DLGAP2: variants seen among roughly 807,000 people sequenced by gnomAD.
The protein encoded by DLGAP2 is disks large-associated protein 2.
Under a neutral mutation model 100.3 loss-of-function variants are expected in DLGAP2, and 26 were observed. The observed-to-expected ratio is 0.26, with a 90% CI of 0.19 to 0.36. The LOEUF (loss-of-function observed/expected upper bound fraction) is 0.36. Among genes scored for constraint, DLGAP2 ranks in the 10% least tolerant of loss-of-function variants. DLGAP2 has a pLI of 1.00. For missense variants in DLGAP2, 1,858 were observed against 1,453.2 expected (o/e 1.28, Z -4.53); for synonymous variants, 886 against 630.1 (o/e 1.41, Z -6.08).
intron 2 of DLGAP2, among the ~76,000 whole-genome samples, chr8:1,223,345 C>G (rs957933329): frequency 9.2e-5 from 14 of 152,298 alleles, no homozygotes; most frequent in African/African-American, 3.4e-4. Flanking sequence ...AGAAGCGCTT[C>G]CCGTGTGCAT....
chr8:1,225,561 G>C (rs1293948279), intron 2 of DLGAP2, among the ~76,000 whole-genome samples: 2 of 152,046 alleles, frequency 1.3e-5, no homozygotes, highest in African/African-American at 2.4e-5. Context: ...CCGTCAAAAT[G>C]GTTAATTTTA....
In DLGAP2 at chr8:1,573,740, G is replaced by A. The variant is rs547648502; in HGVS notation, c.1442+7846G>A. On this transcript the variant is annotated intron_variant, in intron 6 of 14. Transcript: ENST00000637795. ...CCTTTTTTGTGAATAAAGTTTTATT[G>A]GAATGTGGCCCGCTCACTGGTCATC... Among the ~76,000 whole-genome samples, 96 of 152,220 alleles carry A rather than the reference G, an allele frequency of 6.3e-4. 1 individual carries two copies. The highest frequency in any genetic ancestry group is 3.1e-3 in the Admixed American group (48 of 15,290).
intron 3 of DLGAP2, among the ~76,000 whole-genome samples, chr8:1,345,997 C>A (rs1324979760): frequency 6.6e-6 from 1 of 152,222 alleles, no homozygotes; most frequent in East Asian, 1.9e-4. Flanking sequence ...GACTCTGGCA[C>A]CAGCTCCTGT....
chr8:1,538,608 C>G (rs537163738), intron 4 of DLGAP2, among the ~76,000 whole-genome samples: 6 of 152,262 alleles, frequency 3.9e-5, no homozygotes, highest in African/African-American at 1.2e-4. Flanking sequence ...GTCTCCGTCC[C>G]TCCTCCCCCG....
intron 3 of DLGAP2, among the ~76,000 whole-genome samples, chr8:1,314,458 C>A (rs1317541283): frequency 1.3e-5 from 2 of 152,226 alleles, no homozygotes; most frequent in Non-Finnish European, 2.9e-5. Flanking sequence ...CTAGAGCTGT[C>A]TGTGCTGTAA....
chr8:1,439,139 A>G (rs1395277959), intron 3 of DLGAP2, among the ~76,000 whole-genome samples: 1 of 152,176 alleles, frequency 6.6e-6, no homozygotes, highest in African/African-American at 2.4e-5. Flanking sequence ...TTATGGAGCC[A>G]CGTGGAGCGT....
chr8:873,353 C>T (rs115437368), intron 1 of DLGAP2, among the ~76,000 whole-genome samples: 4 of 152,258 alleles, frequency 2.6e-5, no homozygotes, highest in African/African-American at 7.2e-5. Context: ...GCTAGGACCA[C>T]CAGCACAATT....
rs1016789260 is a variant in DLGAP2, at chr8:954,386, T to G, written c.73+46420T>G. Among the ~76,000 whole-genome samples, 5 of 152,200 alleles carry G rather than the reference T, an allele frequency of 3.3e-5. No homozygotes were observed. The South Asian group carries it at 1.0e-3, about 32-fold the overall frequency. ...TCCCTTCAGCCCCTAGGAGAAACTC[T>G]TATACAAGTGACCAAGAAATGTGTT... On this transcript the variant is annotated intron_variant, in intron 2 of 14. Coordinates refer to ENST00000637795, the MANE Select transcript of DLGAP2 (RefSeq NM_001346810.2).
At chr8:947,362 C>G (rs900515735) in intron 2 of DLGAP2, among the ~76,000 whole-genome samples, 3 of 152,222 alleles carry the variant, frequency 2.0e-5, no homozygotes, top group Admixed American at 2.0e-4. Flanking sequence ...CAGGGGCTCC[C>G]TCACACAGGA....
chr8:1,215,857 G>C (rs1382321783), intron 2 of DLGAP2, among the ~76,000 whole-genome samples: 1 of 142,950 alleles, frequency 7.0e-6, no homozygotes, highest in Non-Finnish European at 1.5e-5. Context: ...GGTTCATTTG[G>C]GTGCATCACC....
intron 2 of DLGAP2, among the ~76,000 whole-genome samples, chr8:1,196,479 C>G (rs1002892223): frequency 6.6e-6 from 1 of 152,152 alleles, no homozygotes; most frequent in East Asian, 1.9e-4. Context: ...AATATTCGTG[C>G]TTTCCTCACG....
chr8:1,544,620 T>C (rs976512264), intron 4 of DLGAP2, among the ~76,000 whole-genome samples: 2 of 152,232 alleles, frequency 1.3e-5, no homozygotes, highest in East Asian at 3.8e-4. Context: ...ATTTATTACA[T>C]TGATTGATTT....
chr8:1,541,426 A>G (rs1801357169), intron 4 of DLGAP2, among the ~76,000 whole-genome samples: 1 of 152,192 alleles, frequency 6.6e-6, no homozygotes, highest in Non-Finnish European at 1.5e-5. Flanking sequence ...GATATCAGTA[A>G]ATATCCTGAG....
rs1238528835 is a variant in DLGAP2, at chr8:1,708,081, T to C, written c.*6675T>C. ...GCTTTATTTGTGTTCTTTTTTCCCA[T>C]GACTTTTTTTCACTCTCAGCTGACT... On this transcript the variant is annotated 3_prime_UTR_variant, in exon 15 of 15. Transcript: ENST00000637795. 1 of 152,338 alleles carries C rather than the reference T, an allele frequency of 6.6e-6. No individual in the cohort carries two copies. Among genetic ancestry groups the C allele is most frequent in the Non-Finnish European group, 1.5e-5 (1 of 68,046 alleles). The allele number at this position is 152,338 out of a possible 1,614,324, so 9.4% of individuals were successfully genotyped here. A position where few individuals can be genotyped will look rare whatever the true frequency, so the allele number is the denominator to read the frequency against.
chr8:800,558 G>A (rs948434017), intron 1 of DLGAP2, among the ~76,000 whole-genome samples: 2 of 152,206 alleles, frequency 1.3e-5, no homozygotes, highest in Non-Finnish European at 2.9e-5. Context: ...GACATGATGA[G>A]ATGCCTGCAT....
At chr8:957,211 G>T (rs540973291) in intron 2 of DLGAP2, among the ~76,000 whole-genome samples, 7 of 152,344 alleles carry the variant, frequency 4.6e-5, no homozygotes, top group African/African-American at 1.7e-4. Flanking sequence ...AGAGCTGGGG[G>T]CCTTTGAAGG....
intron 2 of DLGAP2, among the ~76,000 whole-genome samples, chr8:1,110,257 G>T (rs181556181): frequency 7.0e-6 from 1 of 143,110 alleles, no homozygotes; most frequent in Non-Finnish European, 1.5e-5. Flanking sequence ...AGGTGTGCAC[G>T]GGTCTGTGAC....
chr8:767,624 G>T (rs1415387603), intron 1 of DLGAP2, among the ~76,000 whole-genome samples: 1 of 152,096 alleles, frequency 6.6e-6, no homozygotes, highest in Non-Finnish European at 1.5e-5. Context: ...CAAAGTGCTG[G>T]GATTACAGGT....
chr8:1,511,264 G>C (rs1249301915), intron 4 of DLGAP2, among the ~76,000 whole-genome samples: 1 of 151,716 alleles, frequency 6.6e-6, no homozygotes, highest in Non-Finnish European at 1.5e-5. Context: ...GGGCTGTCTA[G>C]TGTAGGACAA....
Sources: gnomAD v4.1 joint callset for allele counts (sites outside exome capture counted in the v4.1 genomes callset) on GRCh38, gnomAD v4.1.1 for gene constraint, MANE v1.5 for transcripts, NCBI Gene and HGNC (gene_info 2026-07-23, HGNC 2026-07-21) for gene names.